RTL4: variants seen among roughly 807,000 people sequenced by gnomAD.
RTL4 encodes the protein retrotransposon Gag-like protein 4.
Under a neutral mutation model 5.3 loss-of-function variants are expected in RTL4, and 4 were observed. The ratio of observed to expected loss-of-function variants is 0.75; its 90% CI spans 0.37 to 1.72. The LOEUF (loss-of-function observed/expected upper bound fraction) is 1.72. Ranked by LOEUF, RTL4 falls within the 40% of genes most tolerant of loss-of-function variation. The pLI is 0.04. For synonymous variants in RTL4, 98 were observed against 87.3 expected, an observed-to-expected ratio of 1.12 and a Z score of -0.68; for missense variants, 260 against 227.1, an observed-to-expected ratio of 1.14 and a Z score of -0.93.
At chrX:112,177,172 A>G in the RTL4 span, among the ~76,000 whole-genome samples, 2 of 110,256 alleles carry the variant, frequency 1.8e-5, no homozygotes, top group African/African-American at 6.6e-5. Context: ...TCTCTTTCAT[A>G]TATTTATTTT....
chrX:112,278,233 A>G, the RTL4 span, among the ~76,000 whole-genome samples: 8 of 112,634 alleles, frequency 7.1e-5, no homozygotes, highest in African/African-American at 2.3e-4. Context: ...ATGACTATAA[A>G]TAATGTTCAG....
the RTL4 span, among the ~76,000 whole-genome samples, chrX:112,125,211 A>T: frequency 9.0e-6 from 1 of 111,354 alleles, no homozygotes; most frequent in Non-Finnish European, 1.9e-5. Context: ...TCTTAATCCA[A>T]AATATCTGAC....
At chrX:112,303,940 T>C in the RTL4 span, among the ~76,000 whole-genome samples, 4,994 of 110,827 alleles carry the variant, frequency 0.045, 286 homozygotes, top group African/African-American at 0.16. Context: ...ATCTAGTACT[T>C]GCAAATTAAT....
chrX:112,431,854 A>G, the RTL4 span, among the ~76,000 whole-genome samples: 1 of 99,877 alleles, frequency 1.0e-5, no homozygotes, highest in African/African-American at 3.6e-5. Flanking sequence ...AGCATTAGGT[A>G]TATCTCCTAA....
chrX:112,110,313 G>A, the RTL4 span, among the ~76,000 whole-genome samples: 1 of 112,043 alleles, frequency 8.9e-6, no homozygotes, highest in East Asian at 2.8e-4. Flanking sequence ...ATTTGGGATT[G>A]TAGAGTAAGA....
At chrX:112,127,961 G>T in the RTL4 span, among the ~76,000 whole-genome samples, 2 of 111,690 alleles carry the variant, frequency 1.8e-5, no homozygotes, top group African/African-American at 6.5e-5. Flanking sequence ...TGGATTAGAA[G>T]ATTTAATATC....
At chrX:112,365,329 C>T in the RTL4 span, among the ~76,000 whole-genome samples, 5 of 110,930 alleles carry the variant, frequency 4.5e-5, no homozygotes, top group African/African-American at 1.6e-4. Flanking sequence ...GAGAGATACG[C>T]AGGGGCCAGA....
the RTL4 span, among the ~76,000 whole-genome samples, chrX:112,329,294 C>T: frequency 1.8e-5 from 2 of 110,732 alleles, no homozygotes; most frequent in Non-Finnish European, 3.8e-5. Context: ...AGAGAAGAAT[C>T]AAATAGATGC....
chrX:112,350,499 T>A, the RTL4 span, among the ~76,000 whole-genome samples: 2 of 110,736 alleles, frequency 1.8e-5, no homozygotes, highest in Non-Finnish European at 3.8e-5. Context: ...GGTCCTGGAC[T>A]CTTTTTGGTT....
chrX:112,437,813 G>A, the RTL4 span, among the ~76,000 whole-genome samples: 3 of 52,908 alleles, frequency 5.7e-5, no homozygotes, highest in Non-Finnish European at 1.1e-4. Context: ...TGGTGGTGGT[G>A]GTGGTGGTGG....
chrX:112,266,888 T>C, the RTL4 span, among the ~76,000 whole-genome samples: 1 of 111,315 alleles, frequency 9.0e-6, no homozygotes, highest in Non-Finnish European at 1.9e-5. Flanking sequence ...TACCTGTGAA[T>C]GTACCTGTAT....
the RTL4 span, among the ~76,000 whole-genome samples, chrX:112,111,876 T>G: frequency 1.8e-5 from 2 of 112,022 alleles, no homozygotes; most frequent in Non-Finnish European, 3.8e-5. Context: ...CATGCTCAAT[T>G]GGTTCTCTAT....
In RTL4 at chrX:112,455,146, A is replaced by G. The variant is rs1435216541; in HGVS notation, c.418A>G (p.Thr140Ala). 14 of 1,210,128 alleles carry G rather than the reference A, an allele frequency of 1.2e-5. No individual in the cohort carries two copies. Among genetic ancestry groups the G allele is most frequent in the African/African-American group, 1.7e-5 (1 of 57,215 alleles). ...GTTCCAGCAGTCATTTGGTAAACCC[A>G]CAAAACAGGAAATCAATCCTCTGAT... The change falls in exon 1 of 1, where the codon ACA becomes GCA. Residue 140 changes from threonine to alanine, a missense_variant. By Grantham distance (58) the Thr-to-Ala change is moderately conservative. Coordinates refer to ENST00000340433, the Ensembl canonical transcript of RTL4.
At chrX:112,285,234 A>G in the RTL4 span, among the ~76,000 whole-genome samples, 1 of 111,993 alleles carries the variant, frequency 8.9e-6, no homozygotes, top group African/African-American at 3.2e-5. Context: ...AAGAAGGCAG[A>G]ACAAACACAG....
chrX:112,099,172 T>A, the RTL4 span, among the ~76,000 whole-genome samples: 1 of 111,380 alleles, frequency 9.0e-6, no homozygotes, highest in Non-Finnish European at 1.9e-5. Flanking sequence ...TACAATAAAC[T>A]CAAACAAATT....
the RTL4 span, among the ~76,000 whole-genome samples, chrX:112,327,945 C>A: frequency 1.8e-5 from 2 of 108,360 alleles, no homozygotes; most frequent in Non-Finnish European, 3.8e-5. Flanking sequence ...ACTTTACAGA[C>A]AAGCAAATGC....
At chrX:112,247,770 A>T in the RTL4 span, among the ~76,000 whole-genome samples, 1 of 112,033 alleles carries the variant, frequency 8.9e-6, no homozygotes. Flanking sequence ...GTTCCAGAAG[A>T]CAATTTGGAA....
chrX:112,341,448 C>A, the RTL4 span, among the ~76,000 whole-genome samples: 1 of 111,563 alleles, frequency 9.0e-6, no homozygotes, highest in Non-Finnish European at 1.9e-5. Flanking sequence ...GGTCAGTTCC[C>A]TCAAATAGTT....
the RTL4 span, among the ~76,000 whole-genome samples, chrX:112,323,588 C>T: frequency 9.1e-6 from 1 of 110,466 alleles, no homozygotes; most frequent in Non-Finnish European, 1.9e-5. Flanking sequence ...ACCTCCCTGA[C>T]TCAAGTGATC....
Sources: allele counts gnomAD v4.1 joint callset (sites outside exome capture counted in the v4.1 genomes callset), GRCh38; gene constraint gnomAD v4.1.1; transcripts MANE v1.5; gene names NCBI Gene and HGNC (gene_info 2026-07-23, HGNC 2026-07-21).